The following NRXN1 variants were observed in gnomAD, a reference collection of about 807,000 sequenced individuals.
NRXN1 encodes neurexin 1, also known as neurexin-1.
Under a neutral mutation model 150.9 loss-of-function variants are expected in NRXN1, and 39 were observed. The ratio of observed to expected loss-of-function variants is 0.26; its 90% CI spans 0.20 to 0.34. NRXN1 has a LOEUF of 0.34. Ranked by LOEUF, NRXN1 falls within the 10% of genes least tolerant of loss-of-function variation. The probability of loss-of-function intolerance (pLI) is 1.00; values close to 1 mark genes in which losing one functional copy is unlikely to be tolerated. For synonymous variants in NRXN1, 924 were observed against 757.0 expected, an observed-to-expected ratio of 1.22 and a Z score of -3.62; for missense variants, 1,815 against 1,949.9, an observed-to-expected ratio of 0.93 and a Z score of 1.30.
chr2:50,540,275 A>G (rs537994091), intron 9 of NRXN1, among the ~76,000 whole-genome samples: 2 of 152,346 alleles, frequency 1.3e-5, no homozygotes, highest in Admixed American at 6.5e-5. Context: ...CAAAGTATTC[A>G]TTTTTACTGT....
At chr2:50,204,099 C>T (rs1305742175) in intron 18 of NRXN1, among the ~76,000 whole-genome samples, 1 of 152,010 alleles carries the variant, frequency 6.6e-6, no homozygotes, top group African/African-American at 2.4e-5. Context: ...ATAGTAACTT[C>T]CAATAATCAG....
intron 17 of NRXN1, among the ~76,000 whole-genome samples, chr2:50,449,020 T>A (rs1274217102): frequency 6.6e-6 from 1 of 152,170 alleles, no homozygotes; most frequent in East Asian, 1.9e-4. Flanking sequence ...GAAGCAGAGT[T>A]TGCCAAGATC....
chr2:50,523,558 G>A (rs1043667356), intron 12 of NRXN1, among the ~76,000 whole-genome samples: 1 of 152,142 alleles, frequency 6.6e-6, no homozygotes, highest in African/African-American at 2.4e-5. Flanking sequence ...TGGCTTAAGT[G>A]CCAGTGGTTG....
chr2:50,680,481 C>T lies in NRXN1; in HGVS notation c.833-56866G>A, dbSNP rs114170806. On this transcript the variant is annotated intron_variant, in intron 5 of 22. Transcript: ENST00000401669. ...ATGGACTATAGATATAGGTAAAATA[C>T]AGTTAAAGAGCAACATTGTTATAAT... 6.4e-3 allele frequency among the ~76,000 whole-genome samples: 969 copies of T among 152,062 alleles called. 13 individuals carry two copies. The highest frequency in any genetic ancestry group is 0.022 in the African/African-American group (900 of 41,508).
intron 5 of NRXN1, among the ~76,000 whole-genome samples, chr2:50,669,756 T>C (rs1344708040): frequency 6.6e-6 from 1 of 151,342 alleles, no homozygotes; most frequent in African/African-American, 2.4e-5. Flanking sequence ...GAGACAAAAA[T>C]TGTGATTTTT....
intron 17 of NRXN1, among the ~76,000 whole-genome samples, chr2:50,333,736 G>T (rs1243239429): frequency 6.6e-6 from 1 of 151,834 alleles, no homozygotes; most frequent in East Asian, 2.0e-4. Context: ...GAGAGTGAGA[G>T]AATGTCCTAT....
At chr2:50,560,719 T>C (rs1337329813) in intron 8 of NRXN1, among the ~76,000 whole-genome samples, 4 of 152,078 alleles carry the variant, frequency 2.6e-5, no homozygotes, top group Admixed American at 2.6e-4. Context: ...AAAACAATTC[T>C]TACCAGTAAG....
chr2:50,501,374 A>G (rs565904483), intron 13 of NRXN1, among the ~76,000 whole-genome samples: 186 of 116,994 alleles, frequency 1.6e-3, no homozygotes, highest in Non-Finnish European at 2.1e-3. Context: ...GGGGTTAACC[A>G]TGACTCGTGT....
At chr2:50,279,941 G>A (rs985529344) in intron 17 of NRXN1, among the ~76,000 whole-genome samples, 1 of 152,116 alleles carries the variant, frequency 6.6e-6, no homozygotes, top group African/African-American at 2.4e-5. Context: ...TGAAATTGTA[G>A]TTCAGGTTTC....
intron 5 of NRXN1, among the ~76,000 whole-genome samples, chr2:50,776,664 ACAC>A (rs1703687185): frequency 6.6e-6 from 1 of 150,930 alleles, no homozygotes; most frequent in Non-Finnish European, 1.5e-5. Flanking sequence ...ATACACACAC[ACAC>A]ACACACACAC....
At chr2:50,280,709 C>T (rs1460026812) in intron 17 of NRXN1, among the ~76,000 whole-genome samples, 1 of 152,112 alleles carries the variant, frequency 6.6e-6, no homozygotes, top group Non-Finnish European at 1.5e-5. Flanking sequence ...ATGATTCAGG[C>T]TCTGACGGCG....
intron 22 of NRXN1, among the ~76,000 whole-genome samples, chr2:49,931,821 G>A (rs1670178495): frequency 6.6e-6 from 1 of 152,088 alleles, no homozygotes; most frequent in Admixed American, 6.6e-5. Flanking sequence ...TACCAAAATA[G>A]CTTCTCTTCC....
intron 5 of NRXN1, among the ~76,000 whole-genome samples, chr2:50,855,701 A>T (rs186523353): frequency 6.6e-6 from 1 of 152,198 alleles, no homozygotes; most frequent in East Asian, 1.9e-4. Flanking sequence ...TACTTTAAAC[A>T]AATATCCAAA....
At chr2:50,659,491 G>A (rs1686979422) in intron 5 of NRXN1, among the ~76,000 whole-genome samples, 1 of 151,564 alleles carries the variant, frequency 6.6e-6, no homozygotes, top group Non-Finnish European at 1.5e-5. Context: ...CTGTCTGGGG[G>A]CAATCTATAT....
chr2:50,212,415 C>CA (rs1466304920), intron 18 of NRXN1, among the ~76,000 whole-genome samples: 1 of 150,276 alleles, frequency 6.7e-6, no homozygotes, highest in African/African-American at 2.5e-5. Context: ...TATTAAAGGC[C>CA]TGTGTGTGAC....
intron 22 of NRXN1, among the ~76,000 whole-genome samples, chr2:49,943,072 A>G (rs1197985914): frequency 6.6e-6 from 1 of 152,186 alleles, no homozygotes; most frequent in Non-Finnish European, 1.5e-5. Flanking sequence ...ACTTAATGGT[A>G]TAAGGGCTGT....
At chr2:50,191,364 T>C (rs770194764) in intron 18 of NRXN1, among the ~76,000 whole-genome samples, 1 of 152,142 alleles carries the variant, frequency 6.6e-6, no homozygotes, top group Non-Finnish European at 1.5e-5. Context: ...TAATATCCTG[T>C]CTAGCTATAG....
chr2:50,808,270 A>C (rs1022488516), intron 5 of NRXN1, among the ~76,000 whole-genome samples: 7 of 152,136 alleles, frequency 4.6e-5, no homozygotes, highest in Admixed American at 6.5e-5. Flanking sequence ...AGCAATGAAA[A>C]ATAAACCAAA....
intron 17 of NRXN1, among the ~76,000 whole-genome samples, chr2:50,283,305 A>C (rs1466914735): frequency 6.6e-6 from 1 of 152,226 alleles, no homozygotes; most frequent in Non-Finnish European, 1.5e-5. Context: ...TCTTTCTTCA[A>C]CAAAATTTAA....
Sources: allele counts gnomAD v4.1 joint callset (sites outside exome capture counted in the v4.1 genomes callset), GRCh38; gene constraint gnomAD v4.1.1; transcripts MANE v1.5; gene names NCBI Gene and HGNC (gene_info 2026-07-23, HGNC 2026-07-21).